The following MYO3A variants were observed in gnomAD, a reference collection of about 807,000 sequenced individuals.
MYO3A encodes myosin IIIA.
A neutral mutation model predicts 192.7 loss-of-function variants in MYO3A; 180 were observed. The ratio of observed to expected loss-of-function variants is 0.93; its 90% confidence interval spans 0.83 to 1.06. MYO3A has a LOEUF of 1.06. Among genes scored for constraint, MYO3A ranks in the 50% least tolerant of loss-of-function variants. MYO3A has a pLI of 0.00. For missense variants in MYO3A, 1,896 were observed against 1,905.0 expected, an observed-to-expected ratio of 1.00 and a Z score of 0.09; for synonymous variants, 628 against 645.3, an observed-to-expected ratio of 0.97 and a Z score of 0.41.
chr10:26,170,892 T>C (rs377198245), intron 29 of MYO3A, among the ~76,000 whole-genome samples: 58 of 152,334 alleles, frequency 3.8e-4, no homozygotes, highest in African/African-American at 1.3e-3. Flanking sequence ...AATATGCCAT[T>C]GGCCCCTATG....
intron 14 of MYO3A, among the ~76,000 whole-genome samples, chr10:26,071,058 A>C (rs930584084): frequency 1.3e-5 from 2 of 152,066 alleles, no homozygotes; most frequent in Admixed American, 1.3e-4. Context: ...AGGTGACTCA[A>C]AAATATATAT....
At position 26,008,763 on chromosome 10, in the gene MYO3A, C is replaced by G. The variant is rs186083729; in HGVS notation, c.509-8057C>G. 6.9e-3 allele frequency among the ~76,000 whole-genome samples: 1,046 copies of G among 151,948 alleles called. 8 individuals carry two copies. Among genetic ancestry groups the G allele is most frequent in the Non-Finnish European group, 0.011 (743 of 67,940 alleles). On this transcript the variant is annotated intron_variant, in intron 6 of 34. Transcript: ENST00000642920. The stretch of plus-strand genomic sequence containing the variant: ...GAGAGGATGTGGAGAAATAGGAACA[C>G]TTTCACACTGTTGGTGGGACTGTAG...
chr10:26,098,202 G>A (rs993786593), intron 17 of MYO3A, among the ~76,000 whole-genome samples: 3 of 152,160 alleles, frequency 2.0e-5, no homozygotes, highest in Non-Finnish European at 4.4e-5. Flanking sequence ...ACTGCTGGCT[G>A]CATAAATGTC....
chr10:26,094,627 T>A (rs1415247950), intron 15 of MYO3A, among the ~76,000 whole-genome samples: 2 of 152,108 alleles, frequency 1.3e-5, no homozygotes, highest in Non-Finnish European at 2.9e-5. Context: ...GGTTTCACCG[T>A]GTTAGCCAGG....
intron 10 of MYO3A, among the ~76,000 whole-genome samples, chr10:26,032,659 A>G (rs1156537343): frequency 6.6e-6 from 1 of 152,042 alleles, no homozygotes; most frequent in East Asian, 1.9e-4. Flanking sequence ...AAAAACACAC[A>G]GCCCAAGCTG....
chr10:25,974,897 A>T (rs1156772995), intron 4 of MYO3A, among the ~76,000 whole-genome samples: 1 of 152,200 alleles, frequency 6.6e-6, no homozygotes, highest in Non-Finnish European at 1.5e-5. Flanking sequence ...GGCCAGCATT[A>T]TACTGTCAAC....
At chr10:26,186,470 G>A (rs1437262016) in intron 31 of MYO3A, among the ~76,000 whole-genome samples, 1 of 152,088 alleles carries the variant, frequency 6.6e-6, no homozygotes. Context: ...GTTTCACCGT[G>A]TTAGCCAGGA....
intron 9 of MYO3A, among the ~76,000 whole-genome samples, chr10:26,024,590 G>A (rs1329539903): frequency 6.6e-6 from 1 of 152,138 alleles, no homozygotes; most frequent in Non-Finnish European, 1.5e-5. Context: ...GTGTGTTTTT[G>A]TAGTGGCCAG....
chr10:26,070,393 C>G lies in MYO3A; in HGVS notation c.1351C>G (p.Leu451Val). The G allele has an allele frequency of 6.2e-7, 1 of 1,612,198 alleles. No individual in the cohort carries two copies. The change falls in exon 14 of 35, where the codon CTT becomes GTT. Residue 451 changes from leucine (L) to valine (V), a missense_variant. Transcript: ENST00000642920. ...TCTTTTAGTTCAGCAGCTGACAGTG[C>G]TTGGAAAGGTATAATTTATTTTTTT... Reference protein sequence around the residue: ...AHLLVQQLTVLGKANNRTLQE... With the variant: ...AHLLVQQLTVVGKANNRTLQE...
intron 10 of MYO3A, among the ~76,000 whole-genome samples, chr10:26,048,024 G>C (rs1843732311): frequency 6.6e-6 from 1 of 152,002 alleles, no homozygotes; most frequent in African/African-American, 2.4e-5. Context: ...TAAATCTATT[G>C]ACAGTACCTT....
intron 17 of MYO3A, among the ~76,000 whole-genome samples, chr10:26,117,548 G>A (rs1838588569): frequency 6.6e-6 from 1 of 152,046 alleles, no homozygotes; most frequent in Non-Finnish European, 1.5e-5. Context: ...ATGTGTCCCT[G>A]TGTTCTCATC....
chr10:26,090,172 G>C (rs1241169181), intron 15 of MYO3A, among the ~76,000 whole-genome samples: 1 of 152,166 alleles, frequency 6.6e-6, no homozygotes, highest in Admixed American at 6.5e-5. Flanking sequence ...AACTACTTAA[G>C]AGTAACTAAT....
At position 26,088,241 on chromosome 10, in the gene MYO3A, G is replaced by T; in HGVS notation, c.1398G>T (p.Val466=). Residue 466 remains valine (V), a synonymous_variant, in exon 15 of 35, where the codon GTG becomes GTT. Transcript: ENST00000642920. ...NRTLQEKILQ[V]NNLVEAFGNA... ...CCTTGCAAGAGAAGATTTTACAAGT[G>T]AACAATTTGGTAGAAGCCTTTGGCA... The T allele has an allele frequency of 6.2e-7, 1 of 1,612,830 alleles. No homozygotes were observed. Among genetic ancestry groups the T allele is most frequent in the South Asian group, 1.1e-5 (1 of 90,816 alleles).
intron 31 of MYO3A, among the ~76,000 whole-genome samples, chr10:26,186,956 A>T (rs1398350750): frequency 6.6e-6 from 1 of 152,176 alleles, no homozygotes; most frequent in African/African-American, 2.4e-5. Flanking sequence ...ATTGTTCATG[A>T]ATTATCCCAG....
At chr10:26,055,190 T>G (rs762410776) in intron 10 of MYO3A, among the ~76,000 whole-genome samples, 4 of 152,144 alleles carry the variant, frequency 2.6e-5, no homozygotes, top group Non-Finnish European at 5.9e-5. Flanking sequence ...TAGTGAAAGT[T>G]GCTGTAGAGG....
chr10:26,191,665 G>C (rs946407209), intron 31 of MYO3A, among the ~76,000 whole-genome samples: 2 of 152,162 alleles, frequency 1.3e-5, no homozygotes, highest in African/African-American at 4.8e-5. Flanking sequence ...GAATGAGCTG[G>C]ATAATGTCAG....
chr10:25,964,069 A>G (rs913726860), intron 4 of MYO3A, among the ~76,000 whole-genome samples: 3 of 152,126 alleles, frequency 2.0e-5, no homozygotes, highest in African/African-American at 7.2e-5. Flanking sequence ...CTCTGTTATC[A>G]TAGATTTATT....
Position 26,114,555 on chromosome 10 carries a change from T to C in MYO3A, c.1777-6121T>C, listed in dbSNP as rs142504447. On this transcript the variant is annotated intron_variant, in intron 17 of 34. Coordinates refer to ENST00000642920, the MANE Select transcript of MYO3A (RefSeq NM_017433.5). ...AACCACTCACTGAGGATGCAAAGTT[T>C]GACGTCAAAAGAAGAGGACATTTAG... 2.6e-3 allele frequency among the ~76,000 whole-genome samples: 394 copies of C among 151,834 alleles called. 1 individual carries two copies. Among genetic ancestry groups the C allele is most frequent in the Non-Finnish European group, 4.9e-3 (332 of 67,894 alleles).
At chr10:26,134,432 T>C (rs890982263) in intron 20 of MYO3A, among the ~76,000 whole-genome samples, 5 of 152,136 alleles carry the variant, frequency 3.3e-5, no homozygotes, top group African/African-American at 1.2e-4. Context: ...TAAATCTTAT[T>C]TCATAACAAG....
Sources: gnomAD v4.1 joint callset for allele counts (sites outside exome capture counted in the v4.1 genomes callset) on GRCh38, gnomAD v4.1.1 for gene constraint, MANE v1.5 for transcripts, NCBI Gene and HGNC (gene_info 2026-07-23, HGNC 2026-07-21) for gene names.